RDH12: variants seen among roughly 807,000 people sequenced by gnomAD.
The protein encoded by RDH12 is retinol dehydrogenase 12.
Under a neutral mutation model 34.0 loss-of-function variants are expected in RDH12, and 21 were observed. That is an observed-to-expected ratio of 0.62 (90% confidence interval 0.44 to 0.89). The LOEUF (loss-of-function observed/expected upper bound fraction) is 0.89. RDH12 is among the 40% of genes least tolerant of loss of function. The probability of loss-of-function intolerance (pLI) is 0.00; values close to 1 mark genes in which losing one functional copy is unlikely to be tolerated. For missense variants in RDH12, 394 were observed against 398.6 expected (o/e 0.99, Z 0.10); for synonymous variants, 198 against 169.9 (o/e 1.17, Z -1.29).
At position 67,733,883 on chromosome 14, in the gene RDH12, C is replaced by G. The variant is rs550198065; in HGVS notation, c.*35C>G. The G allele has an allele frequency of 2.0e-6, 3 of 1,491,938 alleles. No individual in the cohort carries two copies. Among genetic ancestry groups the G allele is most frequent in the Non-Finnish European group, 2.8e-6 (3 of 1,070,676 alleles). The allele number at this position is 1,491,938 out of a possible 1,614,324, so 92.4% of individuals were successfully genotyped here. A position where few individuals can be genotyped will look rare whatever the true frequency, so the allele number is the denominator to read the frequency against. ...GAGCTGCAGCTTTATCAGGCCCAAT[C>G]CATGCCATAATGAACAGGGACCAAG... is the stretch of plus-strand genomic sequence containing the variant. On this transcript the variant is annotated 3_prime_UTR_variant, in exon 9 of 9. Coordinates refer to ENST00000551171, the MANE Select transcript of RDH12 (RefSeq NM_152443.3).
chr14:67,731,189 C>CATCATAT (rs1359394659), intron 8 of RDH12, among the ~76,000 whole-genome samples: 1 of 146,672 alleles, frequency 6.8e-6, no homozygotes, highest in African/African-American at 2.5e-5. Flanking sequence ...TTGTGTTTCT[C>CATCATAT]ATCATATTTC....
At chr14:67,716,714 T>C (rs913624317) in intron 1 of RDH12, among the ~76,000 whole-genome samples, 1 of 152,056 alleles carries the variant, frequency 6.6e-6, no homozygotes, top group African/African-American at 2.4e-5. Flanking sequence ...TGAAACCCCA[T>C]CTCTACTGAA....
chr14:67,712,493 C>CAAAAAAAAAAAA (rs79758974), intron 1 of RDH12, among the ~76,000 whole-genome samples: 8 of 38,928 alleles, frequency 2.1e-4, no homozygotes, highest in Non-Finnish European at 4.5e-4. Flanking sequence ...AAAAAACTTG[C>CAAAAAAAAAAAA]AAAAAAAAAA....
intron 1 of RDH12, among the ~76,000 whole-genome samples, chr14:67,712,821 T>C (rs974456500): frequency 1.3e-5 from 2 of 152,244 alleles, no homozygotes; most frequent in Middle Eastern, 3.4e-3. Context: ...TTGCTTTCAG[T>C]TGGCAGCTAG....
intron 3 of RDH12, 136 bp downstream of exon 3, chr14:67,722,846 G>T: frequency 1.3e-6 from 1 of 794,194 alleles, no homozygotes; most frequent in Non-Finnish European, 2.2e-6. Context: ...AGGAAGGAAG[G>T]GGGTGTTGTG....
At chr14:67,731,390 T>C (rs1436488517) in intron 8 of RDH12, among the ~76,000 whole-genome samples, 2 of 151,746 alleles carry the variant, frequency 1.3e-5, no homozygotes, top group African/African-American at 4.8e-5. Context: ...AGTTTTTGTA[T>C]TTCTAGTAGA....
chr14:67,723,484 G>A (rs557025477), intron 3 of RDH12, among the ~76,000 whole-genome samples: 7 of 152,272 alleles, frequency 4.6e-5, no homozygotes, highest in Middle Eastern at 3.4e-3. Context: ...ACCATCCCAC[G>A]TTGGCCTCCC....
chr14:67,717,201 G>A (rs1029886816), intron 1 of RDH12, among the ~76,000 whole-genome samples: 1 of 152,076 alleles, frequency 6.6e-6, no homozygotes, highest in African/African-American at 2.4e-5. Context: ...GTATATATTT[G>A]CTGTTTTGAC....
chr14:67,725,925 C>A, intron 5 of RDH12, 126 bp from the exon 6 acceptor site: 1 of 762,228 alleles, frequency 1.3e-6, no homozygotes, highest in South Asian at 1.4e-5. Context: ...GCAAGTGACT[C>A]CTATCAAAAT....
In RDH12 at chr14:67,724,345, G is replaced by T. The variant is rs1295561920; in HGVS notation, c.69-128G>T. On this transcript the variant is annotated intron_variant, in intron 3 of 8. Transcript: ENST00000551171. ...GTCCTATGAAGGTTAGCTTTTATGA[G>T]TCTCCTGACTGCAACTTAAAGATAC... 3 of 765,184 alleles carry T rather than the reference G, an allele frequency of 3.9e-6. No individual in the cohort carries two copies. In the East Asian group the frequency reaches 7.8e-5, roughly 20 times the overall value. 47.4% of individuals were successfully genotyped at this position (765,184 alleles called of 1,614,324 possible).
At chr14:67,711,089 G>A (rs911457133) in intron 1 of RDH12, among the ~76,000 whole-genome samples, 1 of 152,158 alleles carries the variant, frequency 6.6e-6, no homozygotes, top group Non-Finnish European at 1.5e-5. Context: ...TTATAGTTTA[G>A]CTTTGAAACA....
chr14:67,719,090 G>A (rs979284083), intron 1 of RDH12, among the ~76,000 whole-genome samples: 1 of 152,242 alleles, frequency 6.6e-6, no homozygotes, highest in Non-Finnish European at 1.5e-5. Flanking sequence ...TTAGGAGAAG[G>A]AAGGGGGACT....
intron 3 of RDH12, among the ~76,000 whole-genome samples, chr14:67,722,941 G>A (rs1308215440): frequency 6.6e-6 from 1 of 152,188 alleles, no homozygotes; most frequent in African/African-American, 2.4e-5. Context: ...GCTCTGGGGA[G>A]AGTTCTACTG....
At chr14:67,733,714 C>T in intron 8 of RDH12, 32 bp from the exon 9 acceptor site, 1 of 1,438,168 alleles carries the variant, frequency 7.0e-7, no homozygotes. Context: ...AATTCTCATT[C>T]CTGGAATTTA....
rs2038140885 is a variant in RDH12, at chr14:67,722,828, G to T, written c.68+118G>T. On this transcript the variant is annotated intron_variant, in intron 3 of 8. Transcript: ENST00000551171. The stretch of plus-strand genomic sequence containing the variant: ...GCTGACAGAGGAGAAAGTCAGGGCA[G>T]GAAAAGCAGGAAGGAAGGGGGTGTT... 4 of 880,686 alleles carry T rather than the reference G, an allele frequency of 4.5e-6. No homozygotes were observed. The Admixed American group carries it at 7.2e-5, about 16-fold the overall frequency. 54.6% of individuals were successfully genotyped at this position (880,686 alleles called of 1,614,324 possible). A position where few individuals can be genotyped will look rare whatever the true frequency, so the allele number is the denominator to read the frequency against.
At chr14:67,730,595 A>G (rs867724871) in intron 8 of RDH12, among the ~76,000 whole-genome samples, 7 of 152,280 alleles carry the variant, frequency 4.6e-5, no homozygotes, top group South Asian at 2.1e-4. Flanking sequence ...AATCCTAAAT[A>G]CTTCTGATCC....
At chr14:67,730,845 C>T (rs941579400) in intron 8 of RDH12, among the ~76,000 whole-genome samples, 1 of 152,172 alleles carries the variant, frequency 6.6e-6, no homozygotes, top group Non-Finnish European at 1.5e-5. Context: ...GTCAGTTGAT[C>T]CACCTGCCTT....
chr14:67,703,012 G>A (rs1050622312), intron 1 of RDH12, among the ~76,000 whole-genome samples: 9 of 151,898 alleles, frequency 5.9e-5, no homozygotes, highest in African/African-American at 9.7e-5. Flanking sequence ...TAGAGTCAGA[G>A]TCTCACTATG....
At chr14:67,716,230 CCTAA>C (rs1380228213) in intron 1 of RDH12, among the ~76,000 whole-genome samples, 10 of 151,178 alleles carry the variant, frequency 6.6e-5, no homozygotes, top group South Asian at 2.1e-4. Flanking sequence ...AAAGAAATTG[CCTAA>C]CTAAGTTATA....
Sources: allele counts gnomAD v4.1 joint callset (sites outside exome capture counted in the v4.1 genomes callset), GRCh38; gene constraint gnomAD v4.1.1; transcripts MANE v1.5; gene names NCBI Gene and HGNC (gene_info 2026-07-23, HGNC 2026-07-21).